CEP63: variants seen among roughly 807,000 people sequenced by gnomAD.
CEP63 encodes the protein centrosomal protein of 63 kDa.
In CEP63, 84 loss-of-function variants were observed where a neutral mutation model predicts 89.1. The ratio of observed to expected loss-of-function variants is 0.94; its 90% CI spans 0.79 to 1.13. The LOEUF is 1.13. CEP63 is among the 50% of genes most tolerant of loss of function. CEP63 has a pLI of 0.00. For missense variants in CEP63, 838 were observed against 813.3 expected (o/e 1.03, Z -0.37); for synonymous variants, 267 against 272.5 (o/e 0.98, Z 0.20).
the CEP63 span, chr3:134,610,059 G>C: frequency 8.9e-5 from 82 of 917,718 alleles, no homozygotes; most frequent in Non-Finnish European, 1.2e-4. Flanking sequence ...CTTCAGAGCC[G>C]AGGAGGAGTG....
chr3:134,535,767 A>G (rs919974939), intron 5 of CEP63: 1 of 152,080 alleles, frequency 6.6e-6, no homozygotes, highest in Admixed American at 6.6e-5. Flanking sequence ...TAACAACTCA[A>G]TTTGCTCAAC....
chr3:134,509,283 G>A (rs1477527248), intron 3 of CEP63, among the ~76,000 whole-genome samples: 1 of 152,142 alleles, frequency 6.6e-6, no homozygotes, highest in African/African-American at 2.4e-5. Flanking sequence ...GAGAGAGAGT[G>A]AAGTGGGAGG....
the CEP63 span, chr3:134,627,999 G>C: frequency 3.3e-6 from 2 of 613,192 alleles, no homozygotes; most frequent in Non-Finnish European, 5.8e-6. Flanking sequence ...GGAACTTCCT[G>C]GTGTGGCAGA....
the CEP63 span, among the ~76,000 whole-genome samples, chr3:134,717,021 A>G: frequency 6.6e-6 from 1 of 152,118 alleles, no homozygotes; most frequent in Admixed American, 6.5e-5. Context: ...TCCCCTTTTG[A>G]CCATGGATAT....
chr3:134,598,340 G>GTGCT, the CEP63 span, among the ~76,000 whole-genome samples: 2 of 152,322 alleles, frequency 1.3e-5, no homozygotes, highest in South Asian at 4.1e-4. Flanking sequence ...AAAGGAGACA[G>GTGCT]TGCTTCTTTC....
the CEP63 span, among the ~76,000 whole-genome samples, chr3:134,594,487 T>TC: frequency 2.6e-5 from 4 of 152,026 alleles, no homozygotes; most frequent in South Asian, 2.1e-4. Flanking sequence ...GCGGGCGGAT[T>TC]CCCCCGAGAA....
chr3:134,593,448 G>C, the CEP63 span, among the ~76,000 whole-genome samples: 1 of 152,166 alleles, frequency 6.6e-6, no homozygotes, highest in Non-Finnish European at 1.5e-5. Context: ...TCAGTAACTT[G>C]CACAAATCAG....
chr3:134,528,532 A>G (rs1273187537), intron 3 of CEP63, among the ~76,000 whole-genome samples: 1 of 150,514 alleles, frequency 6.6e-6, no homozygotes, highest in Non-Finnish European at 1.5e-5. Context: ...AAAAGGCCAC[A>G]CTACTGAAAG....
rs564947611 is a variant in CEP63, at chr3:134,541,510, CTTTTTTTTTTTT to C, written c.556-4065_556-4054del. Among the ~76,000 whole-genome samples the C allele has an allele frequency of 3.1e-5, 4 of 128,344 alleles. No homozygotes were observed. In the East Asian group the frequency reaches 6.8e-4, roughly 22 times the overall value. 84.2% of individuals were successfully genotyped at this position (128,344 alleles called of 152,430 possible). A position where few individuals can be genotyped will look rare whatever the true frequency, so the allele number is the denominator to read the frequency against. On this transcript the variant is annotated intron_variant, in intron 6 of 14. Coordinates refer to ENST00000675561, the MANE Select transcript of CEP63 (RefSeq NM_001353108.3). ...ATGATAAATGAACGATACTAGCCAA[CTTTTTTTTTTTT>C]TTTTTTTTTTGAGACGGATTTTCGC... is the stretch of plus-strand genomic sequence containing the variant.
intron 2 of CEP63, among the ~76,000 whole-genome samples, chr3:134,501,901 T>C (rs1248802910): frequency 1.3e-5 from 2 of 152,206 alleles, no homozygotes; most frequent in African/African-American, 4.8e-5. Flanking sequence ...ATCCTTGTCA[T>C]GTCCCAGGTG....
At chr3:134,518,366 A>G (rs1265774666) in intron 3 of CEP63, among the ~76,000 whole-genome samples, 1 of 152,192 alleles carries the variant, frequency 6.6e-6, no homozygotes, top group Non-Finnish European at 1.5e-5. Context: ...TACACATCCA[A>G]GTGAATATGG....
At chr3:134,526,131 T>C (rs1948596077) in intron 3 of CEP63, among the ~76,000 whole-genome samples, 1 of 152,196 alleles carries the variant, frequency 6.6e-6, no homozygotes, top group African/African-American at 2.4e-5. Flanking sequence ...TATTCATTCC[T>C]TTTCATTCTT....
At chr3:134,580,194 C>CA (rs58009929) in intron 10 of CEP63, among the ~76,000 whole-genome samples, 1,920 of 112,026 alleles carry the variant, frequency 0.017, 31 homozygotes, top group African/African-American at 0.046. Context: ...GACTCCACCT[C>CA]AAAAAAAAAA....
At chr3:134,752,124 G>T in the CEP63 span, among the ~76,000 whole-genome samples, 22 of 152,146 alleles carry the variant, frequency 1.4e-4, 1 homozygote. Context: ...GGGACATCTT[G>T]AGAACCCCAG....
chr3:134,763,224 TC>T, the CEP63 span, among the ~76,000 whole-genome samples: 2 of 152,052 alleles, frequency 1.3e-5, no homozygotes, highest in Non-Finnish European at 2.9e-5. Context: ...ATGCTATCCC[TC>T]CCCGCTCCCT....
At chr3:134,748,379 T>G in the CEP63 span, among the ~76,000 whole-genome samples, 1 of 152,154 alleles carries the variant, frequency 6.6e-6, no homozygotes, top group Non-Finnish European at 1.5e-5. Flanking sequence ...TGGGAGATTT[T>G]CTTAAGAACT....
At chr3:134,532,630 T>C in intron 4 of CEP63, 148 bp from the exon 5 acceptor site, 2 of 586,088 alleles carry the variant, frequency 3.4e-6, no homozygotes, top group Non-Finnish European at 5.9e-6. Flanking sequence ...ATTTAATTTT[T>C]AGTTTCCTTT....
intron 2 of CEP63, among the ~76,000 whole-genome samples, chr3:134,503,651 C>T (rs1576823330): frequency 6.6e-6 from 1 of 151,986 alleles, no homozygotes; most frequent in South Asian, 2.1e-4. Flanking sequence ...CTCTCTTTAG[C>T]TCTAATAATA....
At chr3:134,657,059 C>T in the CEP63 span, among the ~76,000 whole-genome samples, 1 of 152,022 alleles carries the variant, frequency 6.6e-6, no homozygotes, top group Non-Finnish European at 1.5e-5. Context: ...ATGCTGCTGA[C>T]AAAGACATAC....
Sources: gnomAD v4.1 joint callset for allele counts (sites outside exome capture counted in the v4.1 genomes callset) on GRCh38, gnomAD v4.1.1 for gene constraint, MANE v1.5 for transcripts, NCBI Gene and HGNC (gene_info 2026-07-23, HGNC 2026-07-21) for gene names.